MRPL3: variants seen among roughly 807,000 people sequenced by gnomAD.
MRPL3 encodes the protein large ribosomal subunit protein uL3m.
Under a neutral mutation model 44.3 loss-of-function variants are expected in MRPL3, and 43 were observed. That is an observed-to-expected ratio of 0.97 (90% CI 0.76 to 1.25). The LOEUF is 1.25. Ranked by LOEUF, MRPL3 falls within the 50% of genes most tolerant of loss-of-function variation. The pLI is 0.00. For missense variants in MRPL3, 406 were observed against 427.6 expected, an observed-to-expected ratio of 0.95 and a Z score of 0.45; for synonymous variants, 171 against 152.3, an observed-to-expected ratio of 1.12 and a Z score of -0.91.
At chr3:131,468,730 A>T (rs1933676179) in intron 8 of MRPL3, among the ~76,000 whole-genome samples, 1 of 152,132 alleles carries the variant, frequency 6.6e-6, no homozygotes, top group Non-Finnish European at 1.5e-5. Flanking sequence ...AAATATTACA[A>T]AAATTGAAAT....
intron 6 of MRPL3, among the ~76,000 whole-genome samples, chr3:131,482,498 G>C (rs958834685): frequency 1.3e-5 from 2 of 148,342 alleles, no homozygotes; most frequent in African/African-American, 5.0e-5. Context: ...CTGGGCAACA[G>C]AGCAAGACTC....
chr3:131,498,604 A>G (rs1316543041), intron 3 of MRPL3, among the ~76,000 whole-genome samples: 2 of 148,416 alleles, frequency 1.3e-5, no homozygotes, highest in African/African-American at 4.9e-5. Flanking sequence ...CGGGAGGCTG[A>G]GGCAGAAGAA....
At chr3:131,477,684 T>C (rs1289724271) in intron 6 of MRPL3, among the ~76,000 whole-genome samples, 1 of 152,190 alleles carries the variant, frequency 6.6e-6, no homozygotes, top group African/African-American at 2.4e-5. Flanking sequence ...AGATACCCTA[T>C]CATTTCATTC....
intron 6 of MRPL3, among the ~76,000 whole-genome samples, chr3:131,481,525 A>G (rs1933986195): frequency 6.6e-6 from 1 of 152,226 alleles, no homozygotes; most frequent in African/African-American, 2.4e-5. Flanking sequence ...AAAGTTATCT[A>G]GGTCACAGAG....
chr3:131,466,152 T>C (rs1243413466), intron 9 of MRPL3, among the ~76,000 whole-genome samples: 2 of 151,942 alleles, frequency 1.3e-5, no homozygotes, highest in Non-Finnish European at 2.9e-5. Context: ...AAAAGCAAAA[T>C]TCTTATTCCT....
chr3:131,491,014 AT>A (rs940940682), intron 4 of MRPL3, among the ~76,000 whole-genome samples: 6 of 151,994 alleles, frequency 3.9e-5, no homozygotes, highest in Admixed American at 2.6e-4. Flanking sequence ...AGAAATCTTC[AT>A]TTTTTTCCCC....
chr3:131,494,141 T>C (rs1386033718), intron 4 of MRPL3, among the ~76,000 whole-genome samples: 1 of 152,236 alleles, frequency 6.6e-6, no homozygotes, highest in East Asian at 1.9e-4. Flanking sequence ...CTACAACAAA[T>C]GCCAAGAAGC....
chr3:131,467,969 AAGG>A lies in MRPL3; in HGVS notation c.894+119_894+121del. 6.2e-6 allele frequency: 3 copies of A among 485,224 alleles called. No homozygotes were observed. In the South Asian group the frequency reaches 1.6e-4, roughly 26 times the overall value. The allele number at this position is 485,224 out of a possible 1,614,324, so 30.1% of individuals were successfully genotyped here. Reference sequence around the variant, plus strand: ...ATTTATAAGCCACATATATGAGAAAAAGGAGACTTTATGGCAAATATCCACATA... The same window carrying A: ...ATTTATAAGCCACATATATGAGAAAAAGACTTTATGGCAAATATCCACATA... On this transcript the variant is annotated intron_variant, in intron 9 of 9. Coordinates refer to ENST00000264995, the MANE Select transcript of MRPL3 (RefSeq NM_007208.4).
chr3:131,479,027 A>G (rs1933917534), intron 6 of MRPL3: 1 of 408,074 alleles, frequency 2.5e-6, no homozygotes, highest in Admixed American at 3.1e-5. Flanking sequence ...AAAAATCAAA[A>G]TCCATACTCT....
rs1333782521 is a variant in MRPL3 at position 131,490,212 on chromosome 3, G to C, written c.469-132C>G. On this transcript the variant is annotated intron_variant, in intron 4 of 9. Transcript: ENST00000264995. The stretch of plus-strand genomic sequence containing the variant: ...CATACCTTATTCCTTAATGAACAAA[G>C]GGCACCCAATTCCCCTTATTTAAGG... 1.8e-5 allele frequency: 11 copies of C among 618,538 alleles called. No homozygotes were observed. The East Asian group carries it at 3.1e-4, about 17-fold the overall frequency. 38.3% of individuals were successfully genotyped at this position (618,538 alleles called of 1,614,324 possible).
chr3:131,496,834 C>T (rs895960637), intron 4 of MRPL3, among the ~76,000 whole-genome samples: 1 of 152,224 alleles, frequency 6.6e-6, no homozygotes, highest in Admixed American at 6.5e-5. Context: ...TCAGAAAGCA[C>T]CTCAAAGTCC....
At chr3:131,477,471 C>T (rs182708098) in intron 6 of MRPL3, among the ~76,000 whole-genome samples, 7 of 152,316 alleles carry the variant, frequency 4.6e-5, no homozygotes, top group South Asian at 2.1e-4. Context: ...GGTTAATCCC[C>T]AAATCCCAAA....
intron 6 of MRPL3, chr3:131,487,430 C>A: frequency 2.8e-6 from 1 of 358,782 alleles, no homozygotes; most frequent in South Asian, 3.1e-5. Context: ...CACATGTACC[C>A]TAGAACTTAA....
At chr3:131,492,552 A>G (rs1934281703) in intron 4 of MRPL3, among the ~76,000 whole-genome samples, 1 of 152,140 alleles carries the variant, frequency 6.6e-6, no homozygotes, top group African/African-American at 2.4e-5. Context: ...GCGCTCCTAT[A>G]AGAATCTAAC....
At chr3:131,493,648 T>C (rs1366025410) in intron 4 of MRPL3, among the ~76,000 whole-genome samples, 1 of 152,194 alleles carries the variant, frequency 6.6e-6, no homozygotes, top group South Asian at 2.1e-4. Context: ...ACTTTTCTAC[T>C]CTTCTGCTCC....
intron 7 of MRPL3, among the ~76,000 whole-genome samples, chr3:131,470,086 T>C (rs1321118831): frequency 6.6e-6 from 1 of 152,002 alleles, no homozygotes; most frequent in Non-Finnish European, 1.5e-5. Context: ...ACCGACACCA[T>C]CATTCAAAGA....
chr3:131,501,709 G>A lies in MRPL3; in HGVS notation c.99C>T (p.His33=). ...GAALGPGNRT[H]IWLFVRGLHG... is the part of the protein sequence containing the mutation. ...GAAGACCTCTAACAAAAAGCCAGAT[G>A]TGTGTTCTATAAAAAGAAAAAATAA... is the stretch of plus-strand genomic sequence containing the variant. The change falls in exon 2 of 10, where the codon CAC becomes CAT. Residue 33 remains histidine, a synonymous_variant. Coordinates refer to ENST00000264995, the MANE Select transcript of MRPL3 (RefSeq NM_007208.4). 6.2e-7 allele frequency: 1 copy of A among 1,607,796 alleles called. No homozygotes were observed. Among genetic ancestry groups the A allele is most frequent in the African/African-American group, 1.3e-5 (1 of 74,588 alleles).
chr3:131,466,728 C>T lies in MRPL3; in HGVS notation c.894+1363G>A, dbSNP rs540685856. Among the ~76,000 whole-genome samples the T allele has an allele frequency of 5.3e-5, 8 of 151,498 alleles. No individual in the cohort carries two copies. The South Asian group carries it at 1.5e-3, about 28-fold the overall frequency. On this transcript the variant is annotated intron_variant, in intron 9 of 9. Transcript: ENST00000264995. ...GGGCAGGGTTTACTTATAATTGACA[C>T]ATAATTGTACATATATATGTATGGT...
intron 6 of MRPL3, among the ~76,000 whole-genome samples, chr3:131,472,919 G>C (rs976832660): frequency 6.6e-6 from 1 of 152,172 alleles, no homozygotes; most frequent in Admixed American, 6.5e-5. Context: ...AACTGCAGAG[G>C]ATGTGGGTAA....
Sources: allele counts gnomAD v4.1 joint callset (sites outside exome capture counted in the v4.1 genomes callset), GRCh38; gene constraint gnomAD v4.1.1; transcripts MANE v1.5; gene names NCBI Gene and HGNC (gene_info 2026-07-23, HGNC 2026-07-21).